SIL1: variants seen among roughly 807,000 people sequenced by gnomAD.
SIL1 encodes nucleotide exchange factor SIL1.
A neutral mutation model predicts 49.1 loss-of-function variants in SIL1; 40 were observed. The observed-to-expected ratio is 0.81, with a 90% CI of 0.63 to 1.06. SIL1 has a LOEUF of 1.06. Ranked by LOEUF, SIL1 falls within the 50% of genes least tolerant of loss-of-function variation. The probability of loss-of-function intolerance (pLI) is 0.00; values close to 1 mark genes in which losing one functional copy is unlikely to be tolerated. For missense variants in SIL1, 500 were observed against 572.6 expected (o/e 0.87, Z 1.29); for synonymous variants, 253 against 250.8 (o/e 1.01, Z -0.08).
intron 3 of SIL1, among the ~76,000 whole-genome samples, chr5:139,119,124 G>A (rs1245928313): frequency 6.6e-6 from 1 of 152,220 alleles, no homozygotes; most frequent in African/African-American, 2.4e-5. Context: ...AAGGCAGAGG[G>A]TGATGCCAAT....
chr5:139,082,506 T>C (rs116416474), intron 3 of SIL1, among the ~76,000 whole-genome samples: 1,894 of 152,342 alleles, frequency 0.012, 35 homozygotes, highest in African/African-American at 0.042. Context: ...AGAATCTATG[T>C]TCCAAGATAG....
chr5:139,016,419 C>T (rs746707977), intron 7 of SIL1, among the ~76,000 whole-genome samples: 1 of 152,060 alleles, frequency 6.6e-6, no homozygotes, highest in Non-Finnish European at 1.5e-5. Context: ...AATGTAGACA[C>T]TAGAGTCATC....
rs560265112 is a variant in SIL1, at chr5:139,015,202, G to A, written c.767+5969C>T. On this transcript the variant is annotated intron_variant, in intron 7 of 9. Transcript: ENST00000394817. ...ATACTAGGTCCTATGCTATATATTA[G>A]AGAGACAGCAGAATAAAGATAGAAA... Among the ~76,000 whole-genome samples the A allele has an allele frequency of 3.3e-5, 5 of 152,244 alleles. No individual in the cohort carries two copies. In the South Asian group the frequency reaches 1.0e-3, roughly 32 times the overall value.
At chr5:139,197,313 T>G (rs1241845241) in intron 1 of SIL1, among the ~76,000 whole-genome samples, 2 of 151,756 alleles carry the variant, frequency 1.3e-5, no homozygotes, top group East Asian at 3.8e-4. Context: ...ACACATCACT[T>G]TCTTCTCTTA....
chr5:139,082,669 C>A (rs1770109893), intron 3 of SIL1, among the ~76,000 whole-genome samples: 1 of 152,214 alleles, frequency 6.6e-6, no homozygotes, highest in South Asian at 2.1e-4. Flanking sequence ...TGGAAGGCAG[C>A]AATCCACACT....
chr5:139,072,234 A>G lies in SIL1; in HGVS notation c.245-21188T>C, dbSNP rs139016875. ...ATAATTGGGGTCTATTATAAATTAT[A>G]TACCTAAAACATATTAATACATTCT... On this transcript the variant is annotated intron_variant, in intron 3 of 9. Coordinates refer to ENST00000394817, the MANE Select transcript of SIL1 (RefSeq NM_022464.5). Among the ~76,000 whole-genome samples, 9 of 152,328 alleles carry G rather than the reference A, an allele frequency of 5.9e-5. No individual in the cohort carries two copies. The East Asian group carries it at 1.7e-3, about 29-fold the overall frequency.
At chr5:139,030,153 C>CA (rs1768754941) in intron 5 of SIL1, among the ~76,000 whole-genome samples, 2 of 151,640 alleles carry the variant, frequency 1.3e-5, no homozygotes, top group Non-Finnish European at 2.9e-5. Flanking sequence ...CCTGTGTCTA[C>CA]AAAAAACACA....
chr5:139,037,421 A>G (rs992296453), intron 5 of SIL1, among the ~76,000 whole-genome samples: 1 of 152,074 alleles, frequency 6.6e-6, no homozygotes, highest in Admixed American at 6.6e-5. Context: ...TTGTTTCTTG[A>G]TTATTTTCTA....
At chr5:139,184,377 TG>T (rs898861183) in intron 1 of SIL1, among the ~76,000 whole-genome samples, 2 of 152,162 alleles carry the variant, frequency 1.3e-5, no homozygotes, top group African/African-American at 4.8e-5. Context: ...CACCATAAAA[TG>T]GGGGTGTTGT....
intron 7 of SIL1, among the ~76,000 whole-genome samples, chr5:138,978,950 T>C (rs1446904473): frequency 1.3e-5 from 2 of 152,226 alleles, no homozygotes; most frequent in African/African-American, 4.8e-5. Flanking sequence ...GTATTCTAGA[T>C]AAAAAGTCCC....
At chr5:138,955,038 T>C (rs1213684079) in intron 7 of SIL1, among the ~76,000 whole-genome samples, 1 of 148,922 alleles carries the variant, frequency 6.7e-6, no homozygotes, top group East Asian at 1.9e-4. Context: ...ACATATCATG[T>C]ATGGCAGCCC....
chr5:139,190,410 C>T (rs996520676), intron 1 of SIL1, among the ~76,000 whole-genome samples: 1 of 152,338 alleles, frequency 6.6e-6, no homozygotes, highest in African/African-American at 2.4e-5. Flanking sequence ...AAATCTTCAA[C>T]CATGAGGGTA....
chr5:139,055,887 A>G (rs921843932), intron 3 of SIL1, among the ~76,000 whole-genome samples: 63 of 152,036 alleles, frequency 4.1e-4, no homozygotes, highest in African/African-American at 1.2e-3. Flanking sequence ...TGGCCGGGCC[A>G]GTCTCCAGCT....
In SIL1 at chr5:139,057,314, T is replaced by TTAAAAAAAAAAAAAAAAAAAAAAA. The variant is rs781049621; in HGVS notation, c.245-6269_245-6268insTTTTTTTTTTTTTTTTTTTTTTTA. Among the ~76,000 whole-genome samples the TTAAAAAAAAAAAAAAAAAAAAAAA allele has an allele frequency of 1.1e-3, 82 of 73,242 alleles. 6 individuals carry two copies. The highest frequency in any genetic ancestry group is 7.2e-3 in the Middle Eastern group (1 of 138). 48.0% of individuals were successfully genotyped at this position (73,242 alleles called of 152,430 possible). ...GCGAGAAACACCCAAGAATGATCAA[T>TTAAAAAAAAAAAAAAAAAAAAAAA]AAAAAAAAAAAAAAGAAAAGAAAAG... On this transcript the variant is annotated intron_variant, in intron 3 of 9. Transcript: ENST00000394817.
intron 1 of SIL1, among the ~76,000 whole-genome samples, chr5:139,159,873 C>T (rs2151810013): frequency 6.6e-6 from 1 of 152,160 alleles, no homozygotes; most frequent in Non-Finnish European, 1.5e-5. Context: ...AAGAGGAAAT[C>T]AATGCAAGTC....
intron 1 of SIL1, among the ~76,000 whole-genome samples, chr5:139,147,871 G>C (rs2151804242): frequency 6.6e-6 from 1 of 152,286 alleles, no homozygotes; most frequent in East Asian, 1.9e-4. Flanking sequence ...CACTGGCACA[G>C]AGCACGCTGC....
At chr5:139,042,106 T>C (rs1769060323) in intron 5 of SIL1, among the ~76,000 whole-genome samples, 1 of 152,216 alleles carries the variant, frequency 6.6e-6, no homozygotes, top group South Asian at 2.1e-4. Context: ...GAAACCTCAG[T>C]CATCCTCTTG....
At chr5:139,137,115 C>T (rs1222501461) in intron 1 of SIL1, among the ~76,000 whole-genome samples, 1 of 152,222 alleles carries the variant, frequency 6.6e-6, no homozygotes, top group African/African-American at 2.4e-5. Context: ...ACCCTAGTGC[C>T]ACCCCTTCCC....
chr5:138,995,608 G>A (rs1043000540), intron 7 of SIL1, among the ~76,000 whole-genome samples: 23 of 152,140 alleles, frequency 1.5e-4, no homozygotes, highest in African/African-American at 5.1e-4. Flanking sequence ...TTATACAACA[G>A]ATTATTGTAA....
Sources: allele counts gnomAD v4.1 joint callset (sites outside exome capture counted in the v4.1 genomes callset), GRCh38; gene constraint gnomAD v4.1.1; transcripts MANE v1.5; gene names NCBI Gene and HGNC (gene_info 2026-07-23, HGNC 2026-07-21).